Variants in WNT7B observed in about 807,000 individuals in gnomAD.
WNT7B encodes Wnt family member 7B, also known as protein Wnt-7b.
Under a neutral mutation model 38.2 loss-of-function variants are expected in WNT7B, and 19 were observed. The ratio of observed to expected loss-of-function variants is 0.50; its 90% CI spans 0.35 to 0.73. The LOEUF (loss-of-function observed/expected upper bound fraction) is 0.73. Ranked by LOEUF, WNT7B falls within the 30% of genes least tolerant of loss-of-function variation. The pLI, the probability that WNT7B is intolerant of heterozygous loss-of-function variation, is 0.01. For missense variants in WNT7B, 423 were observed against 507.9 expected (o/e 0.83, Z 1.61); for synonymous variants, 243 against 209.3 (o/e 1.16, Z -1.39).
chr22:45,973,713 A>C (rs1293792640), intron 1 of WNT7B, among the ~76,000 whole-genome samples: 1 of 152,208 alleles, frequency 6.6e-6, no homozygotes, highest in African/African-American at 2.4e-5. Flanking sequence ...CCCTGAAGCC[A>C]TCAGGTTTTC....
chr22:45,950,124 G>T lies in WNT7B; in HGVS notation c.94C>A (p.Leu32Met). The T allele has an allele frequency of 6.2e-7, 1 of 1,613,914 alleles. No individual in the cohort carries two copies. The highest frequency in any genetic ancestry group is 8.5e-7 in the Non-Finnish European group (1 of 1,180,018). The stretch of plus-strand genomic sequence containing the variant: ...TTGTTGCAGATGATGTTGGCTCCCA[G>T]GGCCACCACGGATGACAGTGCTCTG... ...KLGALSSVVA[L>M]GANIICNKIP... The change falls in exon 2 of 4, where the codon CTG (leucine) becomes ATG (methionine). Residue 32 changes from leucine (L) to methionine (M), a missense_variant. Leu to Met is a conservative substitution (Grantham distance 15). Around this residue, in one of 3 missense-constraint regions of WNT7B, gnomAD observed 133 missense variants for 179.8 expected, o/e 0.74. Coordinates refer to ENST00000339464, the MANE Select transcript of WNT7B (RefSeq NM_058238.3).
chr22:45,929,724 T>TCACCCATCCACC (rs1001981403), intron 3 of WNT7B, among the ~76,000 whole-genome samples: 1 of 104,514 alleles, frequency 9.6e-6, no homozygotes, highest in South Asian at 3.4e-4. Context: ...GTGAATCCAC[T>TCACCCATCCACC]CACCCATCCA....
At chr22:45,948,195 G>A (rs758230133) in intron 2 of WNT7B, among the ~76,000 whole-genome samples, 1 of 152,230 alleles carries the variant, frequency 6.6e-6, no homozygotes, top group Non-Finnish European at 1.5e-5. Context: ...CTCTGAGCCC[G>A]CCAGCTCAGC....
At chr22:45,962,325 C>T (rs542734256) in intron 1 of WNT7B, among the ~76,000 whole-genome samples, 140 of 152,308 alleles carry the variant, frequency 9.2e-4, no homozygotes, top group Non-Finnish European at 1.5e-3. Flanking sequence ...AGAGCCTCAC[C>T]CACTCACTGT....
intron 2 of WNT7B, among the ~76,000 whole-genome samples, chr22:45,932,860 C>T (rs1367632502): frequency 6.6e-6 from 1 of 152,160 alleles, no homozygotes; most frequent in Non-Finnish European, 1.5e-5. Flanking sequence ...AGTCCCCTGC[C>T]CAGCACCCGC....
At chr22:45,930,436 C>A (rs1601718339) in intron 3 of WNT7B, among the ~76,000 whole-genome samples, 1 of 152,262 alleles carries the variant, frequency 6.6e-6, no homozygotes, top group South Asian at 2.1e-4. Flanking sequence ...GCCACCCTAT[C>A]TCAGGCCATC....
chr22:45,944,429 C>T (rs1048318615), intron 2 of WNT7B, among the ~76,000 whole-genome samples: 1 of 152,224 alleles, frequency 6.6e-6, no homozygotes, highest in African/African-American at 2.4e-5. Context: ...GCCCCGGCCT[C>T]GTCCCACCCT....
chr22:45,932,370 T>G (rs1931391473), intron 2 of WNT7B, among the ~76,000 whole-genome samples: 1 of 151,942 alleles, frequency 6.6e-6, no homozygotes, highest in Non-Finnish European at 1.5e-5. Flanking sequence ...CCAAGGACCT[T>G]CCAAGGCCCG....
Position 45,976,590 on chromosome 22 carries a change from C to T in WNT7B, c.71+94G>A. 1.5e-6 allele frequency: 2 copies of T among 1,376,380 alleles called. No homozygotes were observed. The highest frequency in any genetic ancestry group is 2.0e-6 in the Non-Finnish European group (2 of 993,744). 85.3% of individuals were successfully genotyped at this position (1,376,380 alleles called of 1,614,324 possible). ...GAGCCCAGAGAGCTGCAGTGGCCCC[C>T]TCCAGTCCCCACGTCCCCACGGGGA... On this transcript the variant is annotated intron_variant, in intron 1 of 3. Transcript: ENST00000339464. The surrounding 1 kb of genome is among the most constrained non-coding windows in gnomAD (Gnocchi z 8.5).
chr22:45,924,617 G>C (rs1258179062), intron 3 of WNT7B, among the ~76,000 whole-genome samples: 1 of 152,280 alleles, frequency 6.6e-6, no homozygotes, highest in Non-Finnish European at 1.5e-5. Context: ...TGAGCATGAA[G>C]GAAAAGGCTG....
rs1367105691 is a variant in WNT7B at position 45,975,995 on chromosome 22, C to A, written c.71+689G>T. ...GCAGAGAGCAGCTAGCGCGGCTCGC[C>A]GGGCGCCCGCCCGCCGGGCCGCGCC... is the stretch of plus-strand genomic sequence containing the variant. On this transcript the variant is annotated intron_variant, in intron 1 of 3. Coordinates refer to ENST00000339464, the MANE Select transcript of WNT7B (RefSeq NM_058238.3). This position sits in a 1 kb window ranked among gnomAD's most constrained non-coding sequence, Gnocchi z 6.6. 6.8e-6 allele frequency: 1 copy of A among 147,414 alleles called. No individual in the cohort carries two copies. The highest frequency in any genetic ancestry group is 1.5e-5 in the Non-Finnish European group (1 of 66,206). 9.1% of individuals were successfully genotyped at this position (147,414 alleles called of 1,614,324 possible). A position where few individuals can be genotyped will look rare whatever the true frequency, so the allele number is the denominator to read the frequency against.
chr22:45,972,140 G>T, intron 1 of WNT7B: 1 of 251,904 alleles, frequency 4.0e-6, no homozygotes. Flanking sequence ...CCCGCACGCC[G>T]CCCGCGGCAC....
chr22:45,952,053 G>A (rs1340767002), intron 1 of WNT7B, among the ~76,000 whole-genome samples: 1 of 152,206 alleles, frequency 6.6e-6, no homozygotes, highest in African/African-American at 2.4e-5. Flanking sequence ...GCAGGCAACA[G>A]TGGGTTTCAG....
intron 1 of WNT7B, among the ~76,000 whole-genome samples, chr22:45,956,712 C>T (rs1224302033): frequency 6.6e-6 from 1 of 152,228 alleles, no homozygotes; most frequent in African/African-American, 2.4e-5. Context: ...AGCGTGACTA[C>T]ACGGTGAGGA....
At chr22:45,928,829 G>T (rs115610424) in intron 3 of WNT7B, among the ~76,000 whole-genome samples, 1 of 151,560 alleles carries the variant, frequency 6.6e-6, no homozygotes, top group Non-Finnish European at 1.5e-5. Context: ...CACCCTACCC[G>T]GCCATCCTGG....
At chr22:45,926,675 C>G in intron 3 of WNT7B, 1 of 983,636 alleles carries the variant, frequency 1.0e-6, no homozygotes, top group Non-Finnish European at 1.2e-6. Context: ...CACAGCACCT[C>G]CCATGCTGGC....
intron 3 of WNT7B, chr22:45,926,045 G>A (rs1164375396): frequency 1.0e-6 from 1 of 985,276 alleles, no homozygotes; most frequent in Non-Finnish European, 1.2e-6. Context: ...TGCCCGCCTG[G>A]GGATAATCGG....
At chr22:45,929,699 T>TCCA (rs1931249496) in intron 3 of WNT7B, among the ~76,000 whole-genome samples, 1 of 136,830 alleles carries the variant, frequency 7.3e-6, no homozygotes, top group Non-Finnish European at 1.6e-5. Flanking sequence ...CATCCACCCA[T>TCCA]CTTTCCATCC....
chr22:45,950,766 A>T (rs114076622), intron 1 of WNT7B, among the ~76,000 whole-genome samples: 2,370 of 152,190 alleles, frequency 0.016, 54 homozygotes, highest in African/African-American at 0.053. Flanking sequence ...CCACCACCCA[A>T]CCAAAGGCTC....
Sources: allele counts gnomAD v4.1 joint callset (sites outside exome capture counted in the v4.1 genomes callset), GRCh38; gene constraint gnomAD v4.1.1; regional missense constraint gnomAD v4.1.1; non-coding constraint Gnocchi (gnomAD v3.1); transcripts MANE v1.5; gene names NCBI Gene and HGNC (gene_info 2026-07-23, HGNC 2026-07-21).